The following PCNT variants were observed in gnomAD, a reference collection of about 807,000 sequenced individuals.
PCNT encodes the protein pericentrin.
PCNT carries 319 observed loss-of-function variants against 380.4 expected under a neutral mutation model. The ratio of observed to expected loss-of-function variants is 0.84; its 90% CI spans 0.77 to 0.92. The LOEUF (loss-of-function observed/expected upper bound fraction) is 0.92, where lower values mean the gene tolerates loss of function less well. PCNT is among the 40% of genes least tolerant of loss of function. The pLI, the probability that PCNT is intolerant of heterozygous loss-of-function variation, is 0.00. For synonymous variants in PCNT, 1,845 were observed against 1,735.2 expected (o/e 1.06, Z -1.57); for missense variants, 4,400 against 4,255.3 (o/e 1.03, Z -0.95).
At chr21:46,326,830 A>G (rs913740007) in intron 2 of PCNT, among the ~76,000 whole-genome samples, 1 of 152,074 alleles carries the variant, frequency 6.6e-6, no homozygotes, top group South Asian at 2.1e-4. Context: ...CCTGGCCAAC[A>G]TGGAGAAACC....
At chr21:46,334,355 G>A in intron 2 of PCNT, 42 bp from the exon 3 acceptor site, 1 of 1,613,644 alleles carries the variant, frequency 6.2e-7, no homozygotes, top group Non-Finnish European at 8.5e-7. Flanking sequence ...TGCAGCCCTA[G>A]ACCTTGCTTT....
chr21:46,409,864 G>A (rs941774325), intron 27 of PCNT, among the ~76,000 whole-genome samples: 2 of 152,190 alleles, frequency 1.3e-5, no homozygotes, highest in Non-Finnish European at 2.9e-5. Context: ...AAAGTGCTGG[G>A]GTTACAGACG....
rs372424737 is a variant in PCNT, at chr21:46,434,585, T to C, written c.8752-1319T>C. On this transcript the variant is annotated intron_variant, in intron 38 of 46. Transcript: ENST00000359568. ...TCCTTGCCCCATCGTGCAGTAGACC[T>C]TCTGTCCCCTGCCTGGTGGGAGTCG... Among the ~76,000 whole-genome samples the C allele has an allele frequency of 2.0e-5, 3 of 152,330 alleles. No individual in the cohort carries two copies. The East Asian group carries it at 5.8e-4, about 29-fold the overall frequency.
At chr21:46,410,768 G>A (rs1053535201) in intron 27 of PCNT, among the ~76,000 whole-genome samples, 2 of 152,220 alleles carry the variant, frequency 1.3e-5, no homozygotes, top group South Asian at 2.1e-4. Flanking sequence ...CCGGCTCACC[G>A]CTTTGTTGGT....
intron 3 of PCNT, among the ~76,000 whole-genome samples, chr21:46,338,642 C>T (rs1435448607): frequency 6.8e-6 from 1 of 146,204 alleles, no homozygotes; most frequent in Non-Finnish European, 1.5e-5. Context: ...TTTGCTCTTG[C>T]ACTCTTGTCG....
chr21:46,435,287 G>A (rs566548232), intron 38 of PCNT, among the ~76,000 whole-genome samples: 6 of 152,146 alleles, frequency 3.9e-5, no homozygotes, highest in African/African-American at 1.4e-4. Context: ...GTGCAGTGGC[G>A]CAATCTCAGC....
At chr21:46,341,611 C>T (rs1424897961) in intron 3 of PCNT, among the ~76,000 whole-genome samples, 1 of 152,068 alleles carries the variant, frequency 6.6e-6, no homozygotes. Context: ...AAGCCATTCT[C>T]CTGCCTCGGC....
chr21:46,346,297 C>T (rs535606103), intron 4 of PCNT, 89 bp downstream of exon 4: 5 of 672,444 alleles, frequency 7.4e-6, no homozygotes, highest in East Asian at 7.0e-5. Flanking sequence ...GTGGGGTGGG[C>T]GCTGCCATCT....
chr21:46,353,809 C>T (rs2084371167), intron 10 of PCNT, among the ~76,000 whole-genome samples, 178 bp from the exon 11 acceptor site: 1 of 151,940 alleles, frequency 6.6e-6, no homozygotes, highest in Admixed American at 6.6e-5. Flanking sequence ...CTGCATGTCC[C>T]TGTGCCGTGT....
At chr21:46,420,340 C>T (rs1479449578) in intron 31 of PCNT, among the ~76,000 whole-genome samples, 2 of 152,088 alleles carry the variant, frequency 1.3e-5, no homozygotes, top group Admixed American at 6.6e-5. Flanking sequence ...TATTTTTGTT[C>T]TCATTTCTAA....
chr21:46,343,113 A>T (rs913806242), intron 3 of PCNT, among the ~76,000 whole-genome samples: 3 of 152,162 alleles, frequency 2.0e-5, no homozygotes, highest in Non-Finnish European at 4.4e-5. Flanking sequence ...TCATCAGCAG[A>T]CAGGGACTGT....
intron 2 of PCNT, among the ~76,000 whole-genome samples, chr21:46,330,868 C>G (rs555223206): frequency 8.5e-5 from 13 of 152,304 alleles, no homozygotes; most frequent in African/African-American, 2.9e-4. Context: ...CGTCGGAGAT[C>G]AGGAATCCTC....
At chr21:46,427,933 C>T (rs1365936508) in intron 34 of PCNT, 138 bp downstream of exon 34, 1 of 934,232 alleles carries the variant, frequency 1.1e-6, no homozygotes, top group Non-Finnish European at 1.7e-6. Flanking sequence ...TGTCACTTAC[C>T]CAGGTGTTGA....
intron 16 of PCNT, among the ~76,000 whole-genome samples, chr21:46,382,301 A>ATAG (rs2085583712): frequency 6.9e-6 from 1 of 145,282 alleles, no homozygotes; most frequent in African/African-American, 2.5e-5. Flanking sequence ...GGTGTTGTGC[A>ATAG]TTCAGTGGTG....
intron 3 of PCNT, among the ~76,000 whole-genome samples, chr21:46,342,793 T>C (rs189555254): frequency 6.6e-6 from 1 of 152,218 alleles, no homozygotes; most frequent in African/African-American, 2.4e-5. Flanking sequence ...CCTCCCAAAG[T>C]GCTGGGATTG....
intron 15 of PCNT, among the ~76,000 whole-genome samples, chr21:46,379,780 G>A (rs952537835): frequency 6.6e-6 from 1 of 152,136 alleles, no homozygotes; most frequent in Non-Finnish European, 1.5e-5. Context: ...GATGTCAAGG[G>A]AGCTCTATTT....
At chr21:46,367,652 A>G (rs2084976532) in intron 15 of PCNT, among the ~76,000 whole-genome samples, 1 of 152,094 alleles carries the variant, frequency 6.6e-6, no homozygotes, top group Non-Finnish European at 1.5e-5. Context: ...TTTTGATCGC[A>G]GGCACCTTGT....
chr21:46,417,437 C>T (rs1470903197), intron 30 of PCNT, among the ~76,000 whole-genome samples: 1 of 152,016 alleles, frequency 6.6e-6, no homozygotes, highest in Non-Finnish European at 1.5e-5. Flanking sequence ...CATGATCCAC[C>T]CACCTCAGCC....
In PCNT at chr21:46,353,751, T is replaced by TGTGA. The variant is rs59894003; in HGVS notation, c.1680-235_1680-234insTGAG. On this transcript the variant is annotated intron_variant, in intron 10 of 46. Coordinates refer to ENST00000359568, the MANE Select transcript of PCNT (RefSeq NM_006031.6). ...GTGTGTGTGTGTGTGTGTGTGTGTG[T>TGTGA]GAGAGAGACAGAGAGAGAGTCAGTG... Among the ~76,000 whole-genome samples, 1,351 of 104,382 alleles carry TGTGA rather than the reference T, an allele frequency of 0.013. 20 individuals are homozygous for TGTGA. The highest frequency in any genetic ancestry group is 0.029 in the African/African-American group (812 of 27,654). The allele number at this position is 104,382 out of a possible 152,430, so 68.5% of individuals were successfully genotyped here.
Sources: gnomAD v4.1 joint callset for allele counts (sites outside exome capture counted in the v4.1 genomes callset) on GRCh38, gnomAD v4.1.1 for gene constraint, MANE v1.5 for transcripts, NCBI Gene and HGNC (gene_info 2026-07-23, HGNC 2026-07-21) for gene names.